The following MANBAL variants were observed in gnomAD, a reference collection of about 807,000 sequenced individuals.
MANBAL encodes protein MANBAL.
A neutral mutation model predicts 6.4 loss-of-function variants in MANBAL; 1 was observed. The ratio of observed to expected loss-of-function variants is 0.16; its 90% CI spans 0.06 to 0.74. The LOEUF is 0.74. Ranked by LOEUF, MANBAL falls within the 30% of genes least tolerant of loss-of-function variation. MANBAL has a pLI of 0.78. For synonymous variants in MANBAL, 47 were observed against 45.8 expected (o/e 1.03, Z -0.10); for missense variants, 100 against 107.8 (o/e 0.93, Z 0.32).
intron 2 of MANBAL, among the ~76,000 whole-genome samples, chr20:37,303,111 A>G (rs866865171): frequency 1.4e-4 from 21 of 152,098 alleles, no homozygotes; most frequent in South Asian, 4.1e-4. Context: ...CGGTTTTGCC[A>G]TGTTGCCCAG....
chr20:37,307,770 A>G (rs1381112473), intron 2 of MANBAL, among the ~76,000 whole-genome samples: 2 of 152,030 alleles, frequency 1.3e-5, no homozygotes, highest in East Asian at 3.9e-4. Flanking sequence ...AAAAAAAAAA[A>G]GGAAACCAAA....
At chr20:37,295,989 G>A (rs1004785366) in intron 1 of MANBAL, among the ~76,000 whole-genome samples, 18 of 152,256 alleles carry the variant, frequency 1.2e-4, no homozygotes, top group African/African-American at 4.3e-4. Flanking sequence ...GATGAGAGCC[G>A]TACGGCGCAC....
chr20:37,304,750 G>A (rs539641139), intron 2 of MANBAL, among the ~76,000 whole-genome samples: 4 of 152,254 alleles, frequency 2.6e-5, no homozygotes, highest in African/African-American at 9.6e-5. Flanking sequence ...TAGGGTGGGT[G>A]CAGGGAAGGA....
At chr20:37,300,778 G>C (rs2069115748) in intron 1 of MANBAL, among the ~76,000 whole-genome samples, 1 of 152,170 alleles carries the variant, frequency 6.6e-6, no homozygotes. Flanking sequence ...TCCCAACTTA[G>C]ATTCAAGAGT....
rs2069438835 is a variant in MANBAL, at chr20:37,313,577, G to A, written c.151-2731G>A. On this transcript the variant is annotated intron_variant, in intron 2 of 2. Transcript: ENST00000373606. ...AAAAATTAGCTGTGCGTGGTGGCGG[G>A]TGCCTGTAATTCTAGCTACTCAGGA... is the stretch of plus-strand genomic sequence containing the variant. Among the ~76,000 whole-genome samples, 3 of 151,874 alleles carry A rather than the reference G, an allele frequency of 2.0e-5. No individual in the cohort carries two copies. The South Asian group carries it at 6.2e-4, about 32-fold the overall frequency.
chr20:37,301,536 C>T (rs2146805154), intron 2 of MANBAL, 123 bp downstream of exon 2: 2 of 1,087,768 alleles, frequency 1.8e-6, no homozygotes, highest in South Asian at 4.3e-5. Context: ...ATTTAGTGTG[C>T]CTCTGAATTT....
intron 1 of MANBAL, among the ~76,000 whole-genome samples, chr20:37,292,258 T>A (rs2068888579): frequency 6.6e-6 from 1 of 152,238 alleles, no homozygotes; most frequent in African/African-American, 2.4e-5. Context: ...TCTGTTCCCC[T>A]ATTTTTTGCT....
At chr20:37,312,837 A>C (rs1056884175) in intron 2 of MANBAL, among the ~76,000 whole-genome samples, 1 of 152,228 alleles carries the variant, frequency 6.6e-6, no homozygotes, top group African/African-American at 2.4e-5. Flanking sequence ...GCTATGCTTA[A>C]GGCATAATTT....
chr20:37,307,585 T>G (rs999543403), intron 2 of MANBAL, among the ~76,000 whole-genome samples: 3 of 151,990 alleles, frequency 2.0e-5, no homozygotes, highest in Non-Finnish European at 4.4e-5. Flanking sequence ...GGTGAAACCC[T>G]GTCTCTACTA....
At position 37,301,232 on chromosome 20, in the gene MANBAL, G is replaced by A; in HGVS notation, c.-32G>A. On this transcript the variant is annotated 5_prime_UTR_variant, in exon 2 of 3. Transcript: ENST00000373606. ...GTTGGTTCTAAAGAGTGGTGAGTCAGAAGAGACGTCAGGCAGCAAGCGACT... is the reference window on the plus strand; with the variant it reads ...GTTGGTTCTAAAGAGTGGTGAGTCAAAAGAGACGTCAGGCAGCAAGCGACT... 1.3e-6 allele frequency: 2 copies of A among 1,556,044 alleles called. No homozygotes were observed. Among genetic ancestry groups the A allele is most frequent in the Non-Finnish European group, 1.7e-6 (2 of 1,146,758 alleles).
intron 2 of MANBAL, 91 bp downstream of exon 2, chr20:37,301,504 G>A: frequency 7.1e-7 from 1 of 1,403,614 alleles, no homozygotes; most frequent in Non-Finnish European, 9.6e-7. Flanking sequence ...GAGATCAGCA[G>A]GGTCTACATT....
At chr20:37,310,030 C>T (rs149605904) in intron 2 of MANBAL, among the ~76,000 whole-genome samples, 21 of 152,190 alleles carry the variant, frequency 1.4e-4, no homozygotes, top group South Asian at 2.1e-4. Context: ...AGATGTGTAC[C>T]GACCGGTTCT....
At chr20:37,302,195 G>T in intron 2 of MANBAL, 1 of 1,542,602 alleles carries the variant, frequency 6.5e-7, no homozygotes, top group Non-Finnish European at 8.8e-7. Context: ...TGTCATGTGG[G>T]ATACCTACAT....
At chr20:37,290,854 C>T (rs1185473851) in intron 1 of MANBAL, among the ~76,000 whole-genome samples, 2 of 152,196 alleles carry the variant, frequency 1.3e-5, no homozygotes, top group African/African-American at 4.8e-5. Flanking sequence ...AGATATCCTT[C>T]CTCCTGGACC....
intron 1 of MANBAL, among the ~76,000 whole-genome samples, chr20:37,291,626 C>A (rs1480247933): frequency 6.6e-6 from 1 of 152,012 alleles, no homozygotes; most frequent in Non-Finnish European, 1.5e-5. Flanking sequence ...CGGCTGTGTC[C>A]CCACCCAAAT....
At chr20:37,292,970 T>C (rs1385325641) in intron 1 of MANBAL, among the ~76,000 whole-genome samples, 2 of 152,248 alleles carry the variant, frequency 1.3e-5, no homozygotes. Context: ...GAGACATACG[T>C]ATATATGCAC....
At chr20:37,293,982 T>C (rs907825799) in intron 1 of MANBAL, among the ~76,000 whole-genome samples, 1 of 152,212 alleles carries the variant, frequency 6.6e-6, no homozygotes, top group African/African-American at 2.4e-5. Context: ...AAACTGGGTC[T>C]CACTATGTTG....
At chr20:37,307,554 C>A (rs192782031) in intron 2 of MANBAL, among the ~76,000 whole-genome samples, 2 of 152,116 alleles carry the variant, frequency 1.3e-5, no homozygotes, top group East Asian at 3.9e-4. Flanking sequence ...GTCAGGAGTT[C>A]AAGACCAGCC....
chr20:37,306,678 C>T (rs1356947541), intron 2 of MANBAL, among the ~76,000 whole-genome samples: 2 of 152,178 alleles, frequency 1.3e-5, no homozygotes, highest in African/African-American at 2.4e-5. Context: ...TCCATCTAGT[C>T]CAGGTTAGCT....
Sources: allele counts gnomAD v4.1 joint callset (sites outside exome capture counted in the v4.1 genomes callset), GRCh38; gene constraint gnomAD v4.1.1; transcripts MANE v1.5; gene names NCBI Gene and HGNC (gene_info 2026-07-23, HGNC 2026-07-21).